Variants in TENM3 observed in about 807,000 individuals in gnomAD.
TENM3 encodes teneurin-3.
TENM3 carries 63 observed loss-of-function variants against 255.1 expected under a neutral mutation model. That is an observed-to-expected ratio of 0.25 (90% CI 0.20 to 0.30). The LOEUF is 0.30. Ranked by LOEUF, TENM3 falls within the 10% of genes least tolerant of loss-of-function variation. TENM3 has a pLI of 1.00. For synonymous variants in TENM3, 1,306 were observed against 1,322.3 expected (o/e 0.99, Z 0.27); for missense variants, 2,929 against 3,461.1 (o/e 0.85, Z 3.86).
chr4:182,329,496 G>A (rs191064167), intron 2 of TENM3, among the ~76,000 whole-genome samples: 5 of 152,258 alleles, frequency 3.3e-5, no homozygotes, highest in South Asian at 2.1e-4. Context: ...ACGATTTCCC[G>A]CTCTTTCTTA....
At chr4:182,006,081 G>A in the TENM3 span, among the ~76,000 whole-genome samples, 4 of 152,066 alleles carry the variant, frequency 2.6e-5, no homozygotes, top group Non-Finnish European at 5.9e-5. Flanking sequence ...TGATTGCCCT[G>A]GCCAGTACTT....
the TENM3 span, among the ~76,000 whole-genome samples, chr4:181,563,477 T>C: frequency 2.6e-5 from 4 of 152,196 alleles, no homozygotes; most frequent in African/African-American, 9.6e-5. Flanking sequence ...AATAAGTTCA[T>C]ATTCTGAGAT....
the TENM3 span, among the ~76,000 whole-genome samples, chr4:181,884,730 T>A: frequency 3.9e-5 from 6 of 152,176 alleles, no homozygotes; most frequent in Non-Finnish European, 7.4e-5. Context: ...TCCCTGTTCC[T>A]TGAGTTGTCA....
intron 3 of TENM3, among the ~76,000 whole-genome samples, chr4:182,584,172 G>A (rs183916610): frequency 2.0e-5 from 3 of 152,302 alleles, no homozygotes. Flanking sequence ...AACAGTACTT[G>A]ATAGATATCA....
Position 182,792,269 on chromosome 4 carries a change from T to C in TENM3, c.5602-5T>C. 6 of 1,610,670 alleles carry C rather than the reference T, an allele frequency of 3.7e-6. No homozygotes were observed. Among genetic ancestry groups the C allele is most frequent in the Non-Finnish European group, 5.1e-6 (6 of 1,177,274 alleles). ...ACTGAGTAACAGTATGTTCTCTCTTTACAGTCCATGGTTCTTCTGCTTCAT... is the reference window on the plus strand; with the variant it reads ...ACTGAGTAACAGTATGTTCTCTCTTCACAGTCCATGGTTCTTCTGCTTCAT... On this transcript the variant is annotated splice_polypyrimidine_tract_variant and splice_region_variant and intron_variant, in intron 25 of 27. Coordinates refer to ENST00000511685, the MANE Select transcript of TENM3 (RefSeq NM_001080477.4). The surrounding 1 kb of genome is among the most constrained non-coding windows in gnomAD (Gnocchi z 6.3).
rs116776790 is a variant in TENM3, at chr4:182,296,376, G to A, written c.-75-27570G>A. 4.5e-3 allele frequency among the ~76,000 whole-genome samples: 691 copies of A among 152,302 alleles called. 5 individuals carry two copies. Among genetic ancestry groups the A allele is most frequent in the African/African-American group, 0.016 (659 of 41,578 alleles). Reference sequence around the variant, plus strand: ...TGATCTTTCTTGATAACGATACAAAGTAAATCATAAGGGACTTTTTCTTTT... The same window carrying A: ...TGATCTTTCTTGATAACGATACAAAATAAATCATAAGGGACTTTTTCTTTT... On this transcript the variant is annotated intron_variant, in intron 1 of 27. Transcript: ENST00000511685.
At chr4:182,322,990 G>C (rs894385789) in intron 1 of TENM3, among the ~76,000 whole-genome samples, 1 of 152,044 alleles carries the variant, frequency 6.6e-6, no homozygotes. Flanking sequence ...TAAAGCCTTC[G>C]GGGTCCTTCA....
At chr4:181,759,973 C>T in the TENM3 span, among the ~76,000 whole-genome samples, 26 of 151,966 alleles carry the variant, frequency 1.7e-4, no homozygotes, top group Non-Finnish European at 2.5e-4. Flanking sequence ...GCAGCAGAGC[C>T]GATAGGTCTG....
intron 1 of TENM3, among the ~76,000 whole-genome samples, chr4:182,188,179 A>G (rs1753290142): frequency 6.6e-6 from 1 of 152,186 alleles, no homozygotes; most frequent in Admixed American, 6.5e-5. Flanking sequence ...TTGTTATAGT[A>G]TTTGAAAACT....
intron 1 of TENM3, among the ~76,000 whole-genome samples, chr4:182,157,830 A>G (rs1458600044): frequency 7.2e-5 from 11 of 152,330 alleles, no homozygotes; most frequent in African/African-American, 2.6e-4. Flanking sequence ...TAGCAAGCCC[A>G]ACTTCACGAA....
intron 6 of TENM3, among the ~76,000 whole-genome samples, chr4:182,668,784 A>G (rs182965035): frequency 1.0e-3 from 152 of 152,370 alleles, no homozygotes; most frequent in Admixed American, 1.8e-3. Flanking sequence ...TGCCTTTGAC[A>G]TAGTGAAACC....
the TENM3 span, among the ~76,000 whole-genome samples, chr4:181,525,549 G>A: frequency 1.3e-5 from 2 of 152,088 alleles, no homozygotes; most frequent in African/African-American, 4.8e-5. Flanking sequence ...CCTCAATTGT[G>A]TATCATTCTT....
chr4:182,795,875 T>A (rs4862095), intron 26 of TENM3, among the ~76,000 whole-genome samples: 59,168 of 152,182 alleles, frequency 0.39, 13,173 homozygotes, highest in African/African-American at 0.63. Context: ...ACCCAACCGT[T>A]CTCATAAAGC....
intron 4 of TENM3, among the ~76,000 whole-genome samples, chr4:182,610,070 C>A (rs575583683): frequency 6.6e-6 from 1 of 152,130 alleles, no homozygotes; most frequent in Non-Finnish European, 1.5e-5. Context: ...AGAATAATCA[C>A]TAAATCCTCA....
the TENM3 span, among the ~76,000 whole-genome samples, chr4:181,473,891 A>G: frequency 6.9e-6 from 1 of 144,978 alleles, no homozygotes; most frequent in Non-Finnish European, 1.5e-5. Flanking sequence ...ATATATAAAT[A>G]TACTGTATAA....
the TENM3 span, among the ~76,000 whole-genome samples, chr4:181,984,836 C>CTGTGTGTG: frequency 8.5e-6 from 1 of 116,980 alleles, no homozygotes; most frequent in Admixed American, 9.2e-5. Context: ...GTGTGTGTGC[C>CTGTGTGTG]TTTGAAATAA....
the TENM3 span, among the ~76,000 whole-genome samples, chr4:182,118,230 A>G: frequency 6.6e-6 from 1 of 152,088 alleles, no homozygotes; most frequent in Non-Finnish European, 1.5e-5. Context: ...ATGCACGAAC[A>G]GAGACAGTAT....
At chr4:182,268,346 A>C (rs1193678337) in intron 1 of TENM3, among the ~76,000 whole-genome samples, 2 of 152,190 alleles carry the variant, frequency 1.3e-5, no homozygotes, top group Non-Finnish European at 2.9e-5. Flanking sequence ...TAAATGTAAA[A>C]GACCCTCATA....
chr4:181,920,824 A>G, the TENM3 span, among the ~76,000 whole-genome samples: 1 of 152,198 alleles, frequency 6.6e-6, no homozygotes, highest in African/African-American at 2.4e-5. Flanking sequence ...TATGTCCTGA[A>G]TGGTAATGCC....
Sources: allele counts gnomAD v4.1 joint callset (sites outside exome capture counted in the v4.1 genomes callset), GRCh38; gene constraint gnomAD v4.1.1; non-coding constraint Gnocchi (gnomAD v3.1); transcripts MANE v1.5; gene names NCBI Gene and HGNC (gene_info 2026-07-23, HGNC 2026-07-21).